The following TSPAN12 variants were observed in gnomAD, a reference collection of about 807,000 sequenced individuals.
TSPAN12 encodes tetraspanin-12.
A neutral mutation model predicts 39.2 loss-of-function variants in TSPAN12; 19 were observed. That is an observed-to-expected ratio of 0.49 (90% CI 0.34 to 0.71). TSPAN12 has a LOEUF of 0.71. Among genes scored for constraint, TSPAN12 ranks in the 30% least tolerant of loss-of-function variants. The pLI, the probability that TSPAN12 is intolerant of heterozygous loss-of-function variation, is 0.01. For synonymous variants in TSPAN12, 119 were observed against 124.8 expected, an observed-to-expected ratio of 0.95 and a Z score of 0.31; for missense variants, 314 against 359.9, an observed-to-expected ratio of 0.87 and a Z score of 1.03.
At chr7:120,820,258 T>C (rs1370476225) in intron 4 of TSPAN12, among the ~76,000 whole-genome samples, 1 of 152,144 alleles carries the variant, frequency 6.6e-6, no homozygotes, top group Non-Finnish European at 1.5e-5. Context: ...GTGTGACCTT[T>C]AGCAAACCAT....
intron 7 of TSPAN12, among the ~76,000 whole-genome samples, chr7:120,799,599 TATATAATTATATATATAATTAA>T (rs957884932): frequency 6.2e-5 from 7 of 113,720 alleles, no homozygotes; most frequent in Non-Finnish European, 1.2e-4. Flanking sequence ...AATATAATTA[TATATAATTATATATATAATTAA>T]ATATAATTAT....
upstream of TSPAN12, chr7:120,858,233 C>T (rs1244929101): frequency 1.3e-5 from 2 of 152,288 alleles, no homozygotes; most frequent in African/African-American, 4.8e-5. Context: ...GGACGCTTCA[C>T]CTCTGCAGGA....
intron 4 of TSPAN12, among the ~76,000 whole-genome samples, chr7:120,835,148 G>C (rs768501290): frequency 2.0e-5 from 3 of 152,076 alleles, no homozygotes; most frequent in Admixed American, 1.3e-4. Flanking sequence ...TGGTAGTCTG[G>C]GCTGATTATT....
chr7:120,797,855 ATC>A, intron 7 of TSPAN12, among the ~76,000 whole-genome samples: 1 of 152,320 alleles, frequency 6.6e-6, no homozygotes, highest in South Asian at 2.1e-4. Context: ...CACATGATTT[ATC>A]TGTTAGTTTC....
At chr7:120,806,281 G>C (rs184003614) in intron 7 of TSPAN12, among the ~76,000 whole-genome samples, 4 of 152,172 alleles carry the variant, frequency 2.6e-5, no homozygotes, top group Admixed American at 1.3e-4. Flanking sequence ...TCCCCAAGCA[G>C]TAGGAACTTG....
At chr7:120,846,471 C>T (rs1794671528) in intron 2 of TSPAN12, among the ~76,000 whole-genome samples, 1 of 152,124 alleles carries the variant, frequency 6.6e-6, no homozygotes, top group Non-Finnish European at 1.5e-5. Flanking sequence ...GTGTACAATT[C>T]ATTATCAGTT....
chr7:120,817,210 CA>C (rs1164469248), intron 4 of TSPAN12, among the ~76,000 whole-genome samples: 20 of 151,054 alleles, frequency 1.3e-4, no homozygotes, highest in South Asian at 4.2e-4. Flanking sequence ...CCCATATCTA[CA>C]AAAAGAAAAA....
At chr7:120,797,170 T>C (rs901720798) in intron 7 of TSPAN12, among the ~76,000 whole-genome samples, 2 of 152,098 alleles carry the variant, frequency 1.3e-5, no homozygotes, top group Admixed American at 1.3e-4. Flanking sequence ...AAAAAGAATA[T>C]AGCTTCCTAG....
intron 4 of TSPAN12, among the ~76,000 whole-genome samples, chr7:120,833,843 C>T (rs1237600056): frequency 6.6e-6 from 1 of 152,126 alleles, no homozygotes. Flanking sequence ...CAAGGTAGAA[C>T]TGCAATAACA....
intron 7 of TSPAN12, among the ~76,000 whole-genome samples, chr7:120,804,337 T>G (rs3779389): frequency 0.051 from 7,732 of 152,076 alleles, 519 homozygotes; most frequent in East Asian, 0.31. Context: ...TAAGCAGGAG[T>G]TTGCCGCATT....
Position 120,817,153 on chromosome 7 carries a change from C to T in TSPAN12, c.286-1350G>A, listed in dbSNP as rs1360997336. Among the ~76,000 whole-genome samples the T allele has an allele frequency of 2.6e-5, 4 of 151,834 alleles. No homozygotes were observed. The East Asian group carries it at 7.7e-4, about 29-fold the overall frequency. ...TTTGGGTTTTGGGAGGTGGGAGGGT[C>T]ACTTGAGTCCAGGAATTCGAGACCA... On this transcript the variant is annotated intron_variant, in intron 4 of 7. Coordinates refer to ENST00000222747, the MANE Select transcript of TSPAN12 (RefSeq NM_012338.4).
chr7:120,849,377 G>C (rs1164251931), intron 2 of TSPAN12, among the ~76,000 whole-genome samples: 1 of 152,206 alleles, frequency 6.6e-6, no homozygotes, highest in African/African-American at 2.4e-5. Context: ...AGAATTGTAT[G>C]TGTATGCGCA....
chr7:120,828,301 T>C, intron 4 of TSPAN12, among the ~76,000 whole-genome samples: 1 of 152,160 alleles, frequency 6.6e-6, no homozygotes, highest in East Asian at 1.9e-4. Context: ...TAGCAAAAGA[T>C]AGAACAGATC....
intron 2 of TSPAN12, among the ~76,000 whole-genome samples, chr7:120,844,873 T>C (rs1473910573): frequency 6.6e-6 from 1 of 152,190 alleles, no homozygotes; most frequent in Non-Finnish European, 1.5e-5. Context: ...TGGGGACTCT[T>C]TGTGGGGGCT....
rs771135954 is a variant in TSPAN12 at position 120,806,614 on chromosome 7, C to A, written c.547G>T (p.Val183Phe). The change falls in exon 7 of 8, where the codon GTT becomes TTT. Residue 183 changes from valine (V) to phenylalanine (F), a missense_variant. Physicochemically the swap from Val to Phe is conservative, Grantham distance 50 (BLOSUM62 -1). Coordinates refer to ENST00000222747, the MANE Select transcript of TSPAN12 (RefSeq NM_012338.4). ...EMDWPPDSCC[V>F]REFPGCSKQA... ...TTGGAACATCCTGGGAATTCTCTAACACAGCAGGAATCTGGGGGCCAGTCC... is the reference window on the plus strand; with the variant it reads ...TTGGAACATCCTGGGAATTCTCTAAAACAGCAGGAATCTGGGGGCCAGTCC... 6.2e-6 allele frequency: 10 copies of A among 1,613,584 alleles called. No individual in the cohort carries two copies. In the Middle Eastern group the frequency reaches 1.3e-3, roughly 213 times the overall value.
At chr7:120,791,435 C>A (rs1793520985) in intron 7 of TSPAN12, among the ~76,000 whole-genome samples, 1 of 151,968 alleles carries the variant, frequency 6.6e-6, no homozygotes, top group African/African-American at 2.4e-5. Flanking sequence ...TAGTTAATAA[C>A]AATGTATTAG....
chr7:120,810,431 A>G, intron 6 of TSPAN12, 32 bp downstream of exon 6: 2 of 1,356,820 alleles, frequency 1.5e-6, no homozygotes, highest in Non-Finnish European at 2.1e-6. Flanking sequence ...CACTTACTTC[A>G]CTCTCTCTAC....
chr7:120,853,418 ATAATCT>A (rs1794806937), intron 2 of TSPAN12, among the ~76,000 whole-genome samples: 1 of 150,900 alleles, frequency 6.6e-6, no homozygotes, highest in Admixed American at 6.6e-5. Flanking sequence ...ATTGGATAAA[ATAATCT>A]TAAAGAACAT....
chr7:120,796,646 T>G (rs776043154), intron 7 of TSPAN12, among the ~76,000 whole-genome samples: 5 of 152,164 alleles, frequency 3.3e-5, no homozygotes, highest in Non-Finnish European at 5.9e-5. Flanking sequence ...AGTCACCATC[T>G]CAAAATTTTA....
Sources: gnomAD v4.1 joint callset for allele counts (sites outside exome capture counted in the v4.1 genomes callset) on GRCh38, gnomAD v4.1.1 for gene constraint, MANE v1.5 for transcripts, NCBI Gene and HGNC (gene_info 2026-07-23, HGNC 2026-07-21) for gene names.